The following RARB variants were observed in gnomAD, a reference collection of about 807,000 sequenced individuals.
RARB encodes the protein HBV-activated protein.
In RARB, 17 loss-of-function variants were observed where a neutral mutation model predicts 51.9. The ratio of observed to expected loss-of-function variants is 0.33; its 90% confidence interval spans 0.22 to 0.49. The LOEUF (loss-of-function observed/expected upper bound fraction) is 0.49, where lower values mean the gene tolerates loss of function less well. Ranked by LOEUF, RARB falls within the 20% of genes least tolerant of loss-of-function variation. The probability of loss-of-function intolerance (pLI) is 0.99; values close to 1 mark genes in which losing one functional copy is unlikely to be tolerated. For missense variants in RARB, 369 were observed against 550.8 expected, an observed-to-expected ratio of 0.67 and a Z score of 3.30; for synonymous variants, 215 against 195.4, an observed-to-expected ratio of 1.10 and a Z score of -0.84.
intron 2 of RARB, among the ~76,000 whole-genome samples, chr3:24,988,812 G>T (rs1473820539): frequency 2.0e-5 from 3 of 151,872 alleles, no homozygotes; most frequent in Non-Finnish European, 4.4e-5. Flanking sequence ...CTTATTATTT[G>T]TTATTATTTT....
chr3:25,224,630 C>G (rs1411608841), intron 5 of RARB, among the ~76,000 whole-genome samples: 1 of 152,106 alleles, frequency 6.6e-6, no homozygotes, highest in East Asian at 1.9e-4. Flanking sequence ...TTATTTGAGA[C>G]AGGGTCTCAC....
intron 2 of RARB, among the ~76,000 whole-genome samples, chr3:24,943,232 A>G (rs1181242271): frequency 6.6e-6 from 1 of 152,246 alleles, no homozygotes; most frequent in Non-Finnish European, 1.5e-5. Flanking sequence ...AAAGCATCAC[A>G]TAAAACAAAC....
At chr3:25,458,644 G>C (rs988812507) in intron 1 of RARB, among the ~76,000 whole-genome samples, 1 of 152,104 alleles carries the variant, frequency 6.6e-6, no homozygotes, top group African/African-American at 2.4e-5. Flanking sequence ...CTATCTGCCA[G>C]AAATAATGTA....
At chr3:25,277,156 G>A (rs1211933707) in intron 5 of RARB, among the ~76,000 whole-genome samples, 3 of 152,124 alleles carry the variant, frequency 2.0e-5, no homozygotes, top group East Asian at 1.9e-4. Context: ...AACCTTCAAG[G>A]CATGATTTAA....
At chr3:25,528,190 G>T (rs979778957) in intron 3 of RARB, among the ~76,000 whole-genome samples, 1 of 152,208 alleles carries the variant, frequency 6.6e-6, no homozygotes, top group African/African-American at 2.4e-5. Flanking sequence ...CCACCATGGA[G>T]TTCAAGGAAG....
intron 5 of RARB, among the ~76,000 whole-genome samples, chr3:25,204,441 C>T (rs1160128109): frequency 3.3e-5 from 5 of 152,234 alleles, no homozygotes; most frequent in South Asian, 2.1e-4. Flanking sequence ...AGTTATTCTC[C>T]GTCCACCTTT....
chr3:24,961,068 A>G (rs984629549), intron 2 of RARB, among the ~76,000 whole-genome samples: 6 of 152,188 alleles, frequency 3.9e-5, no homozygotes, highest in Non-Finnish European at 8.8e-5. Context: ...ACTATTAAAT[A>G]AGAGACTTGA....
At chr3:25,013,140 G>C (rs1486942864) in intron 2 of RARB, among the ~76,000 whole-genome samples, 1 of 152,112 alleles carries the variant, frequency 6.6e-6, no homozygotes, top group South Asian at 2.1e-4. Flanking sequence ...GACCTAGGCA[G>C]TGGTTGCAGA....
intron 5 of RARB, among the ~76,000 whole-genome samples, chr3:25,380,505 T>C (rs17016334): frequency 0.04 from 6,149 of 152,278 alleles, 137 homozygotes; most frequent in Middle Eastern, 0.065. Flanking sequence ...ATAATGAATC[T>C]TTCCTTCCTA....
At chr3:25,391,293 G>T (rs934679871) in intron 5 of RARB, among the ~76,000 whole-genome samples, 1 of 151,962 alleles carries the variant, frequency 6.6e-6, no homozygotes, top group Middle Eastern at 3.2e-3. Context: ...TCTACTCATT[G>T]TCTTATGGGC....
chr3:25,284,188 A>G (rs1703594181), intron 5 of RARB, among the ~76,000 whole-genome samples: 1 of 152,138 alleles, frequency 6.6e-6, no homozygotes, highest in South Asian at 2.1e-4. Context: ...ACAGCTCATG[A>G]GGAACTGAAT....
upstream of RARB, among the ~76,000 whole-genome samples, chr3:25,424,353 C>G (rs1337763143): frequency 6.6e-6 from 1 of 152,154 alleles, no homozygotes; most frequent in Non-Finnish European, 1.5e-5. Flanking sequence ...TGTGTTATTA[C>G]TGTTAGAACT....
At chr3:25,159,214 A>G (rs1362103021) in intron 4 of RARB, among the ~76,000 whole-genome samples, 2 of 119,074 alleles carry the variant, frequency 1.7e-5, no homozygotes, top group African/African-American at 3.4e-5. Flanking sequence ...CCCAGGCTAG[A>G]GTGCAATGGC....
chr3:24,832,694 T>C (rs1238250243), intron 1 of RARB, among the ~76,000 whole-genome samples: 1 of 142,556 alleles, frequency 7.0e-6, no homozygotes, highest in Non-Finnish European at 1.5e-5. Flanking sequence ...AAAACAGTTA[T>C]GTGGGAAAAT....
intron 5 of RARB, among the ~76,000 whole-genome samples, chr3:25,273,795 G>A (rs1345537546): frequency 2.6e-5 from 4 of 152,202 alleles, no homozygotes; most frequent in Non-Finnish European, 5.9e-5. Context: ...CACTTCCTCA[G>A]TGTCTGCCAG....
intron 5 of RARB, among the ~76,000 whole-genome samples, chr3:25,230,027 A>G (rs973274465): frequency 6.6e-6 from 1 of 152,160 alleles, no homozygotes; most frequent in South Asian, 2.1e-4. Context: ...GATGATGCCT[A>G]GTGACAGCAA....
intron 4 of RARB, among the ~76,000 whole-genome samples, chr3:25,154,643 A>G (rs916434866): frequency 2.6e-5 from 4 of 152,244 alleles, no homozygotes; most frequent in African/African-American, 7.2e-5. Flanking sequence ...AGAAAAGTCC[A>G]GTTGCCCAAA....
At chr3:25,502,865 A>G (rs1697386848) in intron 3 of RARB, among the ~76,000 whole-genome samples, 1 of 152,200 alleles carries the variant, frequency 6.6e-6, no homozygotes, top group African/African-American at 2.4e-5. Context: ...TCAAGCCCTT[A>G]ATAGCACCAT....
intron 2 of RARB, among the ~76,000 whole-genome samples, chr3:24,872,741 C>G (rs532690410): frequency 6.6e-6 from 1 of 152,170 alleles, no homozygotes; most frequent in East Asian, 1.9e-4. Flanking sequence ...TACCACCAGG[C>G]CCCAACTCTA....
Sources: gnomAD v4.1 joint callset for allele counts (sites outside exome capture counted in the v4.1 genomes callset) on GRCh38, gnomAD v4.1.1 for gene constraint, MANE v1.5 for transcripts, NCBI Gene and HGNC (gene_info 2026-07-23, HGNC 2026-07-21) for gene names.